The following DNALI1 variants were observed in gnomAD, a reference collection of about 807,000 sequenced individuals.
The protein encoded by DNALI1 is axonemal dynein light intermediate polypeptide 1.
DNALI1 carries 31 observed loss-of-function variants against 33.9 expected under a neutral mutation model. The observed-to-expected ratio is 0.91, with a 90% CI of 0.69 to 1.23. The LOEUF (loss-of-function observed/expected upper bound fraction) is 1.23, where lower values mean the gene tolerates loss of function less well. DNALI1 is among the 50% of genes most tolerant of loss of function. DNALI1 has a pLI of 0.00. For missense variants in DNALI1, 305 were observed against 323.8 expected (o/e 0.94, Z 0.44); for synonymous variants, 117 against 129.2 (o/e 0.91, Z 0.64).
chr1:37,560,865 A>C (rs1413585864), intron 3 of DNALI1: 1 of 152,240 alleles, frequency 6.6e-6, no homozygotes, highest in Non-Finnish European at 1.5e-5. Context: ...TCCATCCATC[A>C]ATATTTGGCC....
Position 37,559,972 on chromosome 1 carries a change from G to A in DNALI1, c.397+476G>A, listed in dbSNP as rs1643417768. On this transcript the variant is annotated intron_variant, in intron 3 of 5. Coordinates refer to ENST00000652629, the MANE Select transcript of DNALI1 (RefSeq NM_003462.5). The surrounding 1 kb of genome is among the most constrained non-coding windows in gnomAD (Gnocchi z 5.3). ...ATCTGTGTCACGAATAAGTTCAAGG[G>A]AAGGTACTATGCCTGGATGTGCACG... Among the ~76,000 whole-genome samples, 1 of 152,216 alleles carries A rather than the reference G, an allele frequency of 6.6e-6. No individual in the cohort carries two copies. The highest frequency in any genetic ancestry group is 2.4e-5 in the African/African-American group (1 of 41,450).
At chr1:37,557,799 G>A (rs1224450575) in intron 2 of DNALI1, 51 bp downstream of exon 2, 1 of 1,605,296 alleles carries the variant, frequency 6.2e-7, no homozygotes, top group Non-Finnish European at 8.5e-7. Flanking sequence ...TTTACATCGT[G>A]GATTTTGGGA....
In DNALI1 at chr1:37,561,587, G is replaced by C. The variant is rs752031981; in HGVS notation, c.428G>C (p.Cys143Ser). ...TTGATCCGGGAGGTCACCATCAACTGTGCGGAGAGGGGGCTGCTGCTGCTG... is the reference window on the plus strand; with the variant it reads ...TTGATCCGGGAGGTCACCATCAACTCTGCGGAGAGGGGGCTGCTGCTGCTG... ...DELIREVTIN[C>S]AERGLLLLRV... The change falls in exon 4 of 6, where the codon TGT (cysteine) becomes TCT (serine). Residue 143 changes from cysteine (C) to serine (S), a missense_variant. Cys to Ser is a moderately radical substitution (Grantham distance 112, BLOSUM62 -1). Coordinates refer to ENST00000652629, the MANE Select transcript of DNALI1 (RefSeq NM_003462.5). The surrounding 1 kb of genome is among the most constrained non-coding windows in gnomAD (Gnocchi z 4.6). The C allele has an allele frequency of 1.2e-6, 2 of 1,613,970 alleles. No individual in the cohort carries two copies. The highest frequency in any genetic ancestry group is 2.2e-5 in the East Asian group (1 of 44,884).
chr1:37,562,285 C>T lies in DNALI1; in HGVS notation c.741+40C>T. 3.8e-6 allele frequency: 6 copies of T among 1,589,628 alleles called. No individual in the cohort carries two copies. Among genetic ancestry groups the T allele is most frequent in the Non-Finnish European group, 5.1e-6 (6 of 1,167,902 alleles). On this transcript the variant is annotated intron_variant, in intron 5 of 5. Transcript: ENST00000652629. This position sits in a 1 kb window ranked among gnomAD's most constrained non-coding sequence, Gnocchi z 5.8. ...GGGTGGGGTGGAGGTGCCCCCTGCC[C>T]TGCGACCCAGCCCCACAGGCCAGGC...
rs889180071 is a variant in DNALI1, at chr1:37,566,787, T to C, written c.*1726T>C. ...TGCATTAGGGCCTTAGAAATGTCAA[T>C]GGGGCAGGAAGAAAACACAATTTCT... is the stretch of plus-strand genomic sequence containing the variant. On this transcript the variant is annotated 3_prime_UTR_variant, in exon 6 of 6. Transcript: ENST00000652629. 4 of 1,429,416 alleles carry C rather than the reference T, an allele frequency of 2.8e-6. No individual in the cohort carries two copies. The African/African-American group carries it at 5.6e-5, about 20-fold the overall frequency. 88.5% of individuals were successfully genotyped at this position (1,429,416 alleles called of 1,614,324 possible).
intron 5 of DNALI1, among the ~76,000 whole-genome samples, chr1:37,564,602 G>C (rs898596523): frequency 2.6e-5 from 4 of 152,000 alleles, no homozygotes; most frequent in Non-Finnish European, 5.9e-5. Flanking sequence ...AGGATGGTCT[G>C]GATCTCCTGA....
chr1:37,558,642 G>A (rs1570037240), intron 2 of DNALI1, among the ~76,000 whole-genome samples: 3 of 152,174 alleles, frequency 2.0e-5, no homozygotes, highest in African/African-American at 7.2e-5. Flanking sequence ...ACAGGGCCCT[G>A]ACAGCTGGTG....
chr1:37,564,523 C>G (rs1339354070), intron 5 of DNALI1, among the ~76,000 whole-genome samples: 1 of 152,044 alleles, frequency 6.6e-6, no homozygotes, highest in Non-Finnish European at 1.5e-5. Flanking sequence ...GCTGGGACTA[C>G]AGACGCCTGC....
Position 37,565,116 on chromosome 1 carries a change from C to T in DNALI1, c.*55C>T, listed in dbSNP as rs555320804. On this transcript the variant is annotated 3_prime_UTR_variant, in exon 6 of 6. Transcript: ENST00000652629. Reference sequence around the variant, plus strand: ...ACACTTGGGAGTTATTTACTGTGTTCCTCTGGCAGCCAATAAAATCATCAT... The same window carrying T: ...ACACTTGGGAGTTATTTACTGTGTTTCTCTGGCAGCCAATAAAATCATCAT... 3 of 1,588,780 alleles carry T rather than the reference C, an allele frequency of 1.9e-6. No homozygotes were observed. In the South Asian group the frequency reaches 3.3e-5, roughly 18 times the overall value.
In DNALI1 at chr1:37,557,002, C is replaced by T. The variant is rs1428520917; in HGVS notation, c.8C>T (p.Pro3Leu). 3 of 1,614,228 alleles carry T rather than the reference C, an allele frequency of 1.9e-6. No homozygotes were observed. Among genetic ancestry groups the T allele is most frequent in the South Asian group, 1.1e-5 (1 of 91,088 alleles). Residue 3 changes from proline (P) to leucine (L), a missense_variant, in exon 1 of 6, where the codon CCG becomes CTG. Pro to Leu is a moderately conservative substitution (Grantham distance 98). Coordinates refer to ENST00000652629, the MANE Select transcript of DNALI1 (RefSeq NM_003462.5). MI[P>L]PADSLLKYDT... is the part of the protein sequence containing the mutation. ...GCTACTCTCGCCTCCGCCATGATTC[C>T]GCCCGCAGACTCTTTGCTCAAGTAC...
chr1:37,557,026 A>G lies in DNALI1; in HGVS notation c.32A>G (p.Tyr11Cys). Reference protein sequence around the residue: MIPPADSLLKYDTPVLVSRNT... With the variant: MIPPADSLLKCDTPVLVSRNT... ...CCGCCCGCAGACTCTTTGCTCAAGT[A>G]CGACACCCCAGTGCTGGTGAGCCGG... Residue 11 changes from tyrosine to cysteine, a missense_variant, in exon 1 of 6, where the codon TAC becomes TGC. Coordinates refer to ENST00000652629, the MANE Select transcript of DNALI1 (RefSeq NM_003462.5). The G allele has an allele frequency of 6.2e-7, 1 of 1,614,178 alleles. No individual in the cohort carries two copies.
intron 5 of DNALI1, among the ~76,000 whole-genome samples, chr1:37,564,806 T>C (rs765893523): frequency 1.3e-5 from 2 of 152,184 alleles, no homozygotes; most frequent in Non-Finnish European, 2.9e-5. Context: ...CATTATTGTG[T>C]TGAAACCAGG....
At position 37,561,941 on chromosome 1, in the gene DNALI1, C is replaced by A. The variant is rs574421086; in HGVS notation, c.577-140C>A. 1 of 1,421,484 alleles carries A rather than the reference C, an allele frequency of 7.0e-7. No homozygotes were observed. Among genetic ancestry groups the A allele is most frequent in the Non-Finnish European group, 9.6e-7 (1 of 1,043,290 alleles). 88.1% of individuals were successfully genotyped at this position (1,421,484 alleles called of 1,614,324 possible). A position where few individuals can be genotyped will look rare whatever the true frequency, so the allele number is the denominator to read the frequency against. On this transcript the variant is annotated intron_variant, in intron 4 of 5. Transcript: ENST00000652629. This position sits in a 1 kb window ranked among gnomAD's most constrained non-coding sequence, Gnocchi z 4.6. Reference sequence around the variant, plus strand: ...TTGGCAGAGTTGTTTCCGCTGTAGACGCTCCATGCCAGGCACTGACCTCCC... The same window carrying A: ...TTGGCAGAGTTGTTTCCGCTGTAGAAGCTCCATGCCAGGCACTGACCTCCC...
In DNALI1 at chr1:37,561,886, T is replaced by C; in HGVS notation, c.576+151T>C. 1 of 1,352,284 alleles carries C rather than the reference T, an allele frequency of 7.4e-7. No homozygotes were observed. The highest frequency in any genetic ancestry group is 1.5e-5 in the African/African-American group (1 of 68,738). 83.8% of individuals were successfully genotyped at this position (1,352,284 alleles called of 1,614,324 possible). A position where few individuals can be genotyped will look rare whatever the true frequency, so the allele number is the denominator to read the frequency against. ...TTGCATCACCTCAGTGAGGGACCCC[T>C]GGTTGAGTATGATGGCCAGCCTGGT... On this transcript the variant is annotated intron_variant, in intron 4 of 5. Coordinates refer to ENST00000652629, the MANE Select transcript of DNALI1 (RefSeq NM_003462.5). The surrounding 1 kb of genome is among the most constrained non-coding windows in gnomAD (Gnocchi z 4.6).
chr1:37,557,890 C>T, intron 2 of DNALI1, 142 bp downstream of exon 2: 1 of 1,178,804 alleles, frequency 8.5e-7, no homozygotes, highest in East Asian at 2.5e-5. Context: ...TTACATATGG[C>T]TGGATCCTGG....
rs1643415844 is a variant in DNALI1 at position 37,559,828 on chromosome 1, T to A, written c.397+332T>A. 6.6e-6 allele frequency among the ~76,000 whole-genome samples: 1 copy of A among 152,208 alleles called. No individual in the cohort carries two copies. The highest frequency in any genetic ancestry group is 2.4e-5 in the African/African-American group (1 of 41,446). On this transcript the variant is annotated intron_variant, in intron 3 of 5. Transcript: ENST00000652629. This position sits in a 1 kb window ranked among gnomAD's most constrained non-coding sequence, Gnocchi z 5.3. ...TACGGAGGACCCGCACCGGCACTGG[T>A]CTCTGAGTTTCCTCAGTATTTATTG...
chr1:37,561,823 C>G lies in DNALI1; in HGVS notation c.576+88C>G, dbSNP rs1317825276. 6.7e-7 allele frequency: 1 copy of G among 1,501,720 alleles called. No homozygotes were observed. The highest frequency in any genetic ancestry group is 9.0e-7 in the Non-Finnish European group (1 of 1,112,510). 93.0% of individuals were successfully genotyped at this position (1,501,720 alleles called of 1,614,324 possible). On this transcript the variant is annotated intron_variant, in intron 4 of 5. Coordinates refer to ENST00000652629, the MANE Select transcript of DNALI1 (RefSeq NM_003462.5). This position sits in a 1 kb window ranked among gnomAD's most constrained non-coding sequence, Gnocchi z 4.6. ...TATCATTCCAGCACTACATTCTGAC[C>G]TCCTAAGGTGCTCTGCTGACAGTCA...
chr1:37,561,063 G>C lies in DNALI1; in HGVS notation c.398-494G>C, dbSNP rs148843289. 1 of 156,240 alleles carries C rather than the reference G, an allele frequency of 6.4e-6. No individual in the cohort carries two copies. The highest frequency in any genetic ancestry group is 2.4e-5 in the African/African-American group (1 of 41,646). The allele number at this position is 156,240 out of a possible 1,614,324, so 9.7% of individuals were successfully genotyped here. On this transcript the variant is annotated intron_variant, in intron 3 of 5. Coordinates refer to ENST00000652629, the MANE Select transcript of DNALI1 (RefSeq NM_003462.5). This position sits in a 1 kb window ranked among gnomAD's most constrained non-coding sequence, Gnocchi z 4.6. ...CAGGGTCTAGCAGGCTTCCCTATCC[G>C]TGTGTTATTATGGTTTGCCCTCCAG...
rs987590969 is a variant in DNALI1 at position 37,559,901 on chromosome 1, G to A, written c.397+405G>A. ...CAAGAGGAATGTGGCAGGAGAGCAG[G>A]GTGATAGTGGGGAGAAGATCAGCAA... On this transcript the variant is annotated intron_variant, in intron 3 of 5. Coordinates refer to ENST00000652629, the MANE Select transcript of DNALI1 (RefSeq NM_003462.5). The surrounding 1 kb of genome is among the most constrained non-coding windows in gnomAD (Gnocchi z 5.3). 6.6e-6 allele frequency among the ~76,000 whole-genome samples: 1 copy of A among 152,176 alleles called. No individual in the cohort carries two copies. The highest frequency in any genetic ancestry group is 2.1e-4 in the South Asian group (1 of 4,834).
Sources: gnomAD v4.1 joint callset for allele counts (sites outside exome capture counted in the v4.1 genomes callset) on GRCh38, gnomAD v4.1.1 for gene constraint, Gnocchi (gnomAD v3.1) non-coding constraint, MANE v1.5 for transcripts, NCBI Gene and HGNC (gene_info 2026-07-23, HGNC 2026-07-21) for gene names.